Variants in FBF1 observed in about 807,000 individuals in gnomAD.
FBF1 encodes Fas binding factor 1.
In FBF1, 119 loss-of-function variants were observed where a neutral mutation model predicts 147.2. The ratio of observed to expected loss-of-function variants is 0.81; its 90% CI spans 0.70 to 0.94. The LOEUF is 0.94. FBF1 is among the 40% of genes least tolerant of loss of function. The probability of loss-of-function intolerance (pLI) is 0.00; values close to 1 mark genes in which losing one functional copy is unlikely to be tolerated. For synonymous variants in FBF1, 601 were observed against 609.0 expected, an observed-to-expected ratio of 0.99 and a Z score of 0.19; for missense variants, 1,449 against 1,500.8, an observed-to-expected ratio of 0.97 and a Z score of 0.57.
At position 75,914,816 on chromosome 17, in the gene FBF1, G is replaced by T; in HGVS notation, c.2745C>A (p.Ala915=). 6.3e-7 allele frequency: 1 copy of T among 1,584,844 alleles called. No homozygotes were observed. Among genetic ancestry groups the T allele is most frequent in the Non-Finnish European group, 8.6e-7 (1 of 1,169,418 alleles). The change falls in exon 25 of 30, where the codon GCC becomes GCA. Residue 915 remains alanine, a synonymous_variant. Transcript: ENST00000636174. ...GCAATGCCCGCTCGGCCTCGCGCTC[G>T]GCCCGCTCCTTACTCAGCTTTTGCT... The part of the protein sequence containing the change: ...SAQQKLSKER[A]EREAERALQV...
Position 75,925,347 on chromosome 17 carries a change from C to T in FBF1, c.968G>A (p.Ser323Asn). The change falls in exon 13 of 30, where the codon AGT becomes AAT. Residue 323 changes from serine to asparagine, a missense_variant and splice_region_variant. Ser to Asn is a conservative substitution (Grantham distance 46). Transcript: ENST00000636174. The surrounding 1 kb of genome is among the most constrained non-coding windows in gnomAD (Gnocchi z 5.0). ...CAAGCCTCCTGCAGGCCCCACTTAC[C>T]TGACAGACTGCCGGCGGGACTGCCG... is the stretch of plus-strand genomic sequence containing the variant. ...EGRQSRRQSV[S>N]RFFADSGADP... The T allele has an allele frequency of 6.2e-7, 1 of 1,612,360 alleles. No individual in the cohort carries two copies. Among genetic ancestry groups the T allele is most frequent in the African/African-American group, 1.3e-5 (1 of 75,014 alleles).
rs369325286 is a variant in FBF1 at position 75,921,250 on chromosome 17, G to A, written c.1668C>T (p.Pro556=). The change falls in exon 17 of 30, where the codon CCC becomes CCT. Residue 556 remains proline (P), a synonymous_variant. Transcript: ENST00000636174. The part of the protein sequence containing the change: ...STQKPTEPSV[P]VQPLLPESLA... ...TGTCTGCCCACACCCCTACCTGGACGGGCACGGAAGGCTCTGTGGGTTTCT... is the reference window on the plus strand; with the variant it reads ...TGTCTGCCCACACCCCTACCTGGACAGGCACGGAAGGCTCTGTGGGTTTCT... The A allele has an allele frequency of 1.3e-5, 20 of 1,586,944 alleles. No homozygotes were observed. Among genetic ancestry groups the A allele is most frequent in the Non-Finnish European group, 1.2e-5 (14 of 1,166,580 alleles).
chr17:75,910,573 G>T lies in FBF1; in HGVS notation c.*150C>A. On this transcript the variant is annotated 3_prime_UTR_variant, in exon 30 of 30. Transcript: ENST00000636174. The surrounding 1 kb of genome is among the most constrained non-coding windows in gnomAD (Gnocchi z 4.1). ...GCCCCGGGCTGGCACATTTGGAAAG[G>T]ATGCACTTGCACCCTGTCCACGGAA... The T allele has an allele frequency of 1.5e-6, 1 of 667,828 alleles. No individual in the cohort carries two copies. Among genetic ancestry groups the T allele is most frequent in the Non-Finnish European group, 2.5e-6 (1 of 392,838 alleles). 41.4% of individuals were successfully genotyped at this position (667,828 alleles called of 1,614,324 possible).
chr17:75,929,945 A>AGGGGGGGGCCCCCCCC, intron 7 of FBF1, 52 bp downstream of exon 7: 1 of 650,906 alleles, frequency 1.5e-6, no homozygotes, highest in Non-Finnish European at 2.8e-6. Flanking sequence ...AAATATCATG[A>AGGGGGGGGCCCCCCCC]CCCCACCCCA....
At position 75,914,833 on chromosome 17, in the gene FBF1, G is replaced by A. The variant is rs372207421; in HGVS notation, c.2728C>T (p.Leu910=). 3.7e-6 allele frequency: 6 copies of A among 1,605,428 alleles called. No individual in the cohort carries two copies. The African/African-American group carries it at 8.0e-5, about 22-fold the overall frequency. ...EWAEFSAQQK[L]SKERAEREAE... ...TCGCGCTCGGCCCGCTCCTTACTCAGCTTTTGCTGCGCGGAGAACTCCGCC... is the reference window on the plus strand; with the variant it reads ...TCGCGCTCGGCCCGCTCCTTACTCAACTTTTGCTGCGCGGAGAACTCCGCC... The change falls in exon 25 of 30, where the codon CTG becomes TTG. Residue 910 remains leucine (L), a synonymous_variant. Coordinates refer to ENST00000636174, the MANE Select transcript of FBF1 (RefSeq NM_001319193.2).
At position 75,910,850 on chromosome 17, in the gene FBF1, G is replaced by C. The variant is rs1425326802; in HGVS notation, c.3364-44C>G. 6.6e-7 allele frequency: 1 copy of C among 1,511,594 alleles called. No homozygotes were observed. Among genetic ancestry groups the C allele is most frequent in the African/African-American group, 1.4e-5 (1 of 72,914 alleles). The allele number at this position is 1,511,594 out of a possible 1,614,324, so 93.6% of individuals were successfully genotyped here. The stretch of plus-strand genomic sequence containing the variant: ...TGGGCGGTCACCTTCCCTGAGCTGA[G>C]AGGGAGGTGGAGCCCTGGATGCTAG... On this transcript the variant is annotated intron_variant, in intron 29 of 29. Transcript: ENST00000636174. This position sits in a 1 kb window ranked among gnomAD's most constrained non-coding sequence, Gnocchi z 4.1.
Position 75,918,298 on chromosome 17 carries a change from C to A in FBF1, c.2139-29G>T. ...AGGGGAGGCGGGAGGGGAAGGCGGTCACTCTGAGCTGGATCACCCTGATGC... is the reference window on the plus strand; with the variant it reads ...AGGGGAGGCGGGAGGGGAAGGCGGTAACTCTGAGCTGGATCACCCTGATGC... On this transcript the variant is annotated intron_variant, in intron 20 of 29. Coordinates refer to ENST00000636174, the MANE Select transcript of FBF1 (RefSeq NM_001319193.2). The surrounding 1 kb of genome is among the most constrained non-coding windows in gnomAD (Gnocchi z 5.8). 3 of 1,588,690 alleles carry A rather than the reference C, an allele frequency of 1.9e-6. No homozygotes were observed. In the South Asian group the frequency reaches 3.4e-5, roughly 18 times the overall value.
At chr17:75,932,953 A>ACTGAAGT (rs750093516) in intron 5 of FBF1, 42 bp downstream of exon 5, 6 of 1,411,310 alleles carry the variant, frequency 4.3e-6, no homozygotes, top group Non-Finnish European at 5.9e-6. Context: ...GAGCATTTAG[A>ACTGAAGT]CTGAAGTAGG....
rs2065586425 is a variant in FBF1, at chr17:75,930,247, GT to G, written c.229-201del. On this transcript the variant is annotated intron_variant, in intron 6 of 29. Transcript: ENST00000636174. ...AGTTGTTTGAAGCCAAACCTGCCTG[GT>G]TTTAGAGACTCAGAGAGCACTGCCA... 3 of 588,862 alleles carry G rather than the reference GT, an allele frequency of 5.1e-6. No homozygotes were observed. In the African/African-American group the frequency reaches 5.6e-5, roughly 11 times the overall value. 36.5% of individuals were successfully genotyped at this position (588,862 alleles called of 1,614,324 possible).
intron 2 of FBF1, 131 bp from the exon 3 acceptor site, chr17:75,937,724 T>G: frequency 2.2e-6 from 2 of 915,084 alleles, no homozygotes; most frequent in Non-Finnish European, 3.5e-6. Flanking sequence ...CATTTAGAGA[T>G]GTAAGTCCTT....
Position 75,914,137 on chromosome 17 carries a change from C to T in FBF1, c.2976G>A (p.Val992=), listed in dbSNP as rs1405860228. 13 of 1,601,802 alleles carry T rather than the reference C, an allele frequency of 8.1e-6. No homozygotes were observed. Among genetic ancestry groups the T allele is most frequent in the Non-Finnish European group, 1.1e-5 (13 of 1,177,052 alleles). The stretch of plus-strand genomic sequence containing the variant: ...CGAGCAGCACCTTGCTCATGCTCTC[C>T]ACCTCCTCGGCGCGGAGCTTGACAC... ...ALRVKLRAEE[V]ESMSKVASEK... Residue 992 remains valine, a synonymous_variant, in exon 26 of 30, where the codon GTG becomes GTA. Transcript: ENST00000636174.
chr17:75,936,247 G>A (rs932531724), intron 3 of FBF1, among the ~76,000 whole-genome samples: 1 of 152,024 alleles, frequency 6.6e-6, no homozygotes, highest in Non-Finnish European at 1.5e-5. Flanking sequence ...CCGGGTGGCA[G>A]AGTTTGTAGT....
rs1200533602 is a variant in FBF1, at chr17:75,922,760, A to T, written c.1424+426T>A. Reference sequence around the variant, plus strand: ...TATGTCTCCTCTAACACTCTCAAAGAGCACAGGGACATCTCAGCTCACACA... The same window carrying T: ...TATGTCTCCTCTAACACTCTCAAAGTGCACAGGGACATCTCAGCTCACACA... On this transcript the variant is annotated intron_variant, in intron 14 of 29. Coordinates refer to ENST00000636174, the MANE Select transcript of FBF1 (RefSeq NM_001319193.2). This position sits in a 1 kb window ranked among gnomAD's most constrained non-coding sequence, Gnocchi z 5.0. Among the ~76,000 whole-genome samples the T allele has an allele frequency of 6.6e-6, 1 of 152,180 alleles. No individual in the cohort carries two copies. The highest frequency in any genetic ancestry group is 1.5e-5 in the Non-Finnish European group (1 of 68,028).
In FBF1 at chr17:75,919,871, G is replaced by A. The variant is rs747875592; in HGVS notation, c.1935C>T (p.Ser645=). The A allele has an allele frequency of 6.2e-7, 1 of 1,613,726 alleles. No homozygotes were observed. The highest frequency in any genetic ancestry group is 8.5e-7 in the Non-Finnish European group (1 of 1,179,892). The stretch of plus-strand genomic sequence containing the variant: ...ACGATGTTTCTAGCACCTTGATGCG[G>A]CTTCTGCCAACAGAACACCCAGCCA... ...DLELIESAHR[S]RIKVLETSYQ... Residue 645 remains serine, a synonymous_variant, in exon 20 of 30, where the codon AGC becomes AGT. Coordinates refer to ENST00000636174, the MANE Select transcript of FBF1 (RefSeq NM_001319193.2). This position sits in a 1 kb window ranked among gnomAD's most constrained non-coding sequence, Gnocchi z 5.0.
chr17:75,919,933 C>T lies in FBF1; in HGVS notation c.1932-59G>A. 6.2e-7 allele frequency: 1 copy of T among 1,611,844 alleles called. No individual in the cohort carries two copies. The highest frequency in any genetic ancestry group is 1.3e-5 in the African/African-American group (1 of 75,020). ...AGGCAGAGGGCTGCCGCCTAAAGGC[C>T]TCTCCAGGCACACTGGGTGGCCTTT... On this transcript the variant is annotated intron_variant, in intron 19 of 29. Transcript: ENST00000636174. The surrounding 1 kb of genome is among the most constrained non-coding windows in gnomAD (Gnocchi z 5.0).
rs781493440 is a variant in FBF1 at position 75,918,061 on chromosome 17, A to C, written c.2256T>G (p.Asn752Lys). Reference protein sequence around the residue: ...TSATSHTRSLNSIIHQMEKFS... With the variant: ...TSATSHTRSLKSIIHQMEKFS... The stretch of plus-strand genomic sequence containing the variant: ...ACTTCTCCATCTGGTGGATGATGCT[A>C]TTCAGGGACCTGGAAGAAGACTGGG... Residue 752 changes from asparagine to lysine, a missense_variant, in exon 22 of 30, where the codon AAT becomes AAG. Coordinates refer to ENST00000636174, the MANE Select transcript of FBF1 (RefSeq NM_001319193.2). This position sits in a 1 kb window ranked among gnomAD's most constrained non-coding sequence, Gnocchi z 5.8. 6.2e-7 allele frequency: 1 copy of C among 1,609,594 alleles called. No individual in the cohort carries two copies. The highest frequency in any genetic ancestry group is 1.7e-5 in the Admixed American group (1 of 59,634).
intron 28 of FBF1, 195 bp downstream of exon 28, chr17:75,913,505 GAC>G (rs1325854051): frequency 6.3e-6 from 3 of 473,936 alleles, no homozygotes; most frequent in African/African-American, 6.2e-5. Flanking sequence ...ACAAAAAGGT[GAC>G]ATTTTTCATA....
At position 75,913,799 on chromosome 17, in the gene FBF1, C is replaced by T. The variant is rs1368585104; in HGVS notation, c.3150G>A (p.Gln1050=). 1 of 1,605,044 alleles carries T rather than the reference C, an allele frequency of 6.2e-7. No homozygotes were observed. The highest frequency in any genetic ancestry group is 1.3e-5 in the African/African-American group (1 of 74,994). ...HMHQEHLSLA[Q]QRLQLDRARQ... ...GTGCGCGGTCCAGTTGCAGCCTCTG[C>T]TGGGCCAGACTCAGATGCTCCTGTC... The change falls in exon 28 of 30, where the codon CAG becomes CAA. Residue 1050 remains glutamine, a synonymous_variant. Coordinates refer to ENST00000636174, the MANE Select transcript of FBF1 (RefSeq NM_001319193.2).
chr17:75,922,079 C>T lies in FBF1; in HGVS notation c.1425-33G>A. ...AAGGCAGCGTTCAAGGTGAAGGTGA[C>T]AGAAGGCCCAGGTCAGGCTGGATGA... On this transcript the variant is annotated intron_variant, in intron 14 of 29. Transcript: ENST00000636174. The surrounding 1 kb of genome is among the most constrained non-coding windows in gnomAD (Gnocchi z 5.0). The T allele has an allele frequency of 9.1e-6, 14 of 1,535,848 alleles. No homozygotes were observed. Among genetic ancestry groups the T allele is most frequent in the Non-Finnish European group, 1.2e-5 (14 of 1,133,152 alleles).
Sources: allele counts gnomAD v4.1 joint callset (sites outside exome capture counted in the v4.1 genomes callset), GRCh38; gene constraint gnomAD v4.1.1; non-coding constraint Gnocchi (gnomAD v3.1); transcripts MANE v1.5; gene names NCBI Gene and HGNC (gene_info 2026-07-23, HGNC 2026-07-21).